BTC: variants seen among roughly 807,000 people sequenced by gnomAD.
The protein encoded by BTC is betacellulin, also known as probetacellulin.
Under a neutral mutation model 18.1 loss-of-function variants are expected in BTC, and 13 were observed. That is an observed-to-expected ratio of 0.72 (90% CI 0.47 to 1.14). The LOEUF (loss-of-function observed/expected upper bound fraction) is 1.14, where lower values mean the gene tolerates loss of function less well. Among genes scored for constraint, BTC ranks in the 50% most tolerant of loss-of-function variants. The pLI is 0.00. For missense variants in BTC, 247 were observed against 224.2 expected (o/e 1.10, Z -0.65); for synonymous variants, 83 against 79.4 (o/e 1.05, Z -0.24).
intron 4 of BTC, among the ~76,000 whole-genome samples, chr4:74,748,402 G>A (rs368301490): frequency 3.3e-5 from 5 of 152,250 alleles, no homozygotes; most frequent in African/African-American, 1.2e-4. Context: ...CGGACGTGGT[G>A]GTGGGCGCCT....
chr4:74,754,938 A>AACACACACACACACACAC (rs33972204), intron 3 of BTC, among the ~76,000 whole-genome samples: 22 of 150,022 alleles, frequency 1.5e-4, no homozygotes, highest in African/African-American at 5.4e-4. Flanking sequence ...TATCCCTCTC[A>AACACACACACACACACAC]ACACACACAC....
In BTC at chr4:74,746,164, A is replaced by T. The variant is rs1464498165; in HGVS notation, c.*513T>A. On this transcript the variant is annotated 3_prime_UTR_variant, in exon 6 of 6. Transcript: ENST00000395743. ...TCTTGATTTCTAGTCTGTCTCTACCAATCTCCAACTCTCTAAATCTGGATT... is the reference window on the plus strand; with the variant it reads ...TCTTGATTTCTAGTCTGTCTCTACCTATCTCCAACTCTCTAAATCTGGATT... 6.6e-6 allele frequency: 1 copy of T among 152,204 alleles called. No homozygotes were observed. The highest frequency in any genetic ancestry group is 1.5e-5 in the Non-Finnish European group (1 of 68,024). The allele number at this position is 152,204 out of a possible 1,614,324, so 9.4% of individuals were successfully genotyped here. A position where few individuals can be genotyped will look rare whatever the true frequency, so the allele number is the denominator to read the frequency against.
chr4:74,773,077 C>T (rs1725087384), intron 1 of BTC, among the ~76,000 whole-genome samples: 1 of 152,342 alleles, frequency 6.6e-6, no homozygotes, highest in Non-Finnish European at 1.5e-5. Context: ...TGAGCTGCTC[C>T]TCTTCCTGCC....
intron 1 of BTC, among the ~76,000 whole-genome samples, chr4:74,782,811 G>A (rs1195617704): frequency 6.6e-6 from 1 of 152,126 alleles, no homozygotes; most frequent in Non-Finnish European, 1.5e-5. Context: ...TGTGAAAATG[G>A]TATCTCATTG....
chr4:74,748,933 G>A (rs1724371080), intron 4 of BTC, among the ~76,000 whole-genome samples: 1 of 152,172 alleles, frequency 6.6e-6, no homozygotes, highest in Non-Finnish European at 1.5e-5. Flanking sequence ...TTGCCCAACT[G>A]ATTCTCTGCC....
At chr4:74,755,165 C>A (rs1553956545) in intron 3 of BTC, among the ~76,000 whole-genome samples, 1 of 152,138 alleles carries the variant, frequency 6.6e-6, no homozygotes, top group Non-Finnish European at 1.5e-5. Flanking sequence ...ACTGGGGCAA[C>A]TGTGCAGAAG....
In BTC at chr4:74,794,334, C is replaced by T. The variant is rs1473342301; in HGVS notation, c.-9G>A. On this transcript the variant is annotated 5_prime_UTR_variant, in exon 1 of 6. Transcript: ENST00000395743. The stretch of plus-strand genomic sequence containing the variant: ...CGGGCGGCCCGGTCCATCAACCCCG[C>T]TCTGCCGGGCCGGGCAGCCCCTAGA... 1.9e-6 allele frequency: 3 copies of T among 1,543,102 alleles called. No individual in the cohort carries two copies. Among genetic ancestry groups the T allele is most frequent in the East Asian group, 2.5e-5 (1 of 40,618 alleles).
chr4:74,748,175 G>T, intron 4 of BTC, 26 bp from the exon 5 acceptor site: 1 of 1,384,118 alleles, frequency 7.2e-7, no homozygotes. Flanking sequence ...TTAGAAGTTA[G>T]TATGGGCCTA....
chr4:74,784,217 G>C (rs1452776437), intron 1 of BTC, among the ~76,000 whole-genome samples: 1 of 144,682 alleles, frequency 6.9e-6, no homozygotes, highest in Non-Finnish European at 1.5e-5. Flanking sequence ...GGTTGACAGA[G>C]AGAGATTCTC....
chr4:74,752,379 C>CT (rs5859439), intron 3 of BTC, among the ~76,000 whole-genome samples: 34,835 of 133,226 alleles, frequency 0.26, 5,000 homozygotes, highest in East Asian at 0.47. Flanking sequence ...GGGGGAATCA[C>CT]TTTTTTTTTT....
At chr4:74,750,791 A>G (rs1724440158) in intron 3 of BTC, 72 bp from the exon 4 acceptor site, 3 of 1,534,152 alleles carry the variant, frequency 2.0e-6, no homozygotes, top group Non-Finnish European at 2.7e-6. Flanking sequence ...TTTTCTGAAG[A>G]AATTAACAGT....
intron 4 of BTC, among the ~76,000 whole-genome samples, chr4:74,749,895 G>C (rs1469021343): frequency 7.4e-6 from 1 of 135,536 alleles, no homozygotes; most frequent in Non-Finnish European, 1.5e-5. Flanking sequence ...AGGAGTTCAA[G>C]ACCAGCCTGG....
At chr4:74,769,275 A>T in intron 2 of BTC, among the ~76,000 whole-genome samples, 1 of 152,182 alleles carries the variant, frequency 6.6e-6, no homozygotes, top group East Asian at 1.9e-4. Context: ...AGACCAGAAC[A>T]TACAATCTAT....
chr4:74,778,944 T>C (rs2109910256), intron 1 of BTC, among the ~76,000 whole-genome samples: 1 of 152,222 alleles, frequency 6.6e-6, no homozygotes, highest in South Asian at 2.1e-4. Context: ...ATTTTCCAAG[T>C]TTTCTTAAAT....
intron 1 of BTC, among the ~76,000 whole-genome samples, chr4:74,774,246 G>A (rs900768077): frequency 6.6e-6 from 1 of 152,240 alleles, no homozygotes; most frequent in Middle Eastern, 3.4e-3. Context: ...ACACCATATG[G>A]GATAACTGGT....
In BTC at chr4:74,756,562, C is replaced by G. The variant is rs186015448; in HGVS notation, c.164-586G>C. ...GATAGAAAGTGGAAAAACTGGGACT[C>G]AAACCCAGGCAGTCTGCCACTGAGT... On this transcript the variant is annotated intron_variant, in intron 2 of 5. Transcript: ENST00000395743. Among the ~76,000 whole-genome samples, 626 of 152,294 alleles carry G rather than the reference C, an allele frequency of 4.1e-3. 5 individuals are homozygous for G. Among genetic ancestry groups the G allele is most frequent in the African/African-American group, 0.014 (602 of 41,568 alleles).
chr4:74,778,614 GA>G (rs749427399), intron 1 of BTC, among the ~76,000 whole-genome samples: 1 of 151,770 alleles, frequency 6.6e-6, no homozygotes, highest in Non-Finnish European at 1.5e-5. Flanking sequence ...CAGTCCAGTG[GA>G]AAAAAAATGA....
In BTC at chr4:74,750,669, T is replaced by A; in HGVS notation, c.332A>T (p.Tyr111Phe). The A allele has an allele frequency of 1.2e-6, 2 of 1,613,942 alleles. No individual in the cohort carries two copies. The highest frequency in any genetic ancestry group is 2.2e-5 in the South Asian group (2 of 91,056). The change falls in exon 4 of 6, where the codon TAC (tyrosine) becomes TTC (phenylalanine). Residue 111 changes from tyrosine (Y) to phenylalanine (F), a missense_variant. Transcript: ENST00000395743. ...AATCTGTCCTCTGTCTCCTCTTAGGTAAAACAAGTCAACTCTCTCACACCT... is the reference window on the plus strand; with the variant it reads ...AATCTGTCCTCTGTCTCCTCTTAGGAAAAACAAGTCAACTCTCTCACACCT... Reference protein sequence around the residue: ...GARCERVDLFYLRGDRGQILV... With the variant: ...GARCERVDLFFLRGDRGQILV...
intron 1 of BTC, among the ~76,000 whole-genome samples, chr4:74,770,947 GTA>G (rs990768080): frequency 4.0e-5 from 6 of 149,108 alleles, no homozygotes; most frequent in African/African-American, 1.5e-4. Flanking sequence ...GTGTGTGTGT[GTA>G]TAATTATGGA....
Sources: gnomAD v4.1 joint callset for allele counts (sites outside exome capture counted in the v4.1 genomes callset) on GRCh38, gnomAD v4.1.1 for gene constraint, MANE v1.5 for transcripts, NCBI Gene and HGNC (gene_info 2026-07-23, HGNC 2026-07-21) for gene names.